Variants in SCHIP1 observed in about 807,000 individuals in gnomAD.
The protein encoded by SCHIP1 is schwannomin interacting protein 1, also known as schwannomin-interacting protein 1.
In SCHIP1, 8 loss-of-function variants were observed where a neutral mutation model predicts 29.7. The ratio of observed to expected loss-of-function variants is 0.27; its 90% CI spans 0.16 to 0.49. The LOEUF (loss-of-function observed/expected upper bound fraction) is 0.49. Ranked by LOEUF, SCHIP1 falls within the 20% of genes least tolerant of loss-of-function variation. The pLI is 0.99. For synonymous variants in SCHIP1, 76 were observed against 94.9 expected (o/e 0.80, Z 1.16); for missense variants, 193 against 294.6 (o/e 0.66, Z 2.52).
the SCHIP1 span, among the ~76,000 whole-genome samples, chr3:159,480,552 TTTC>T: frequency 6.6e-6 from 1 of 152,198 alleles, no homozygotes; most frequent in Non-Finnish European, 1.5e-5. Flanking sequence ...TTTGTGGGTT[TTTC>T]TTTTCTTATT....
the SCHIP1 span, among the ~76,000 whole-genome samples, chr3:159,418,813 A>C: frequency 1.3e-5 from 2 of 152,192 alleles, no homozygotes; most frequent in Non-Finnish European, 2.9e-5. Flanking sequence ...AGATGGCAGA[A>C]TCAGTAACCA....
At chr3:159,527,681 G>A in the SCHIP1 span, among the ~76,000 whole-genome samples, 7 of 152,290 alleles carry the variant, frequency 4.6e-5, no homozygotes, top group South Asian at 8.3e-4. Flanking sequence ...ATGGCCAATT[G>A]TTGCCCATCT....
chr3:159,609,910 T>C, the SCHIP1 span, among the ~76,000 whole-genome samples: 1 of 152,062 alleles, frequency 6.6e-6, no homozygotes, highest in Non-Finnish European at 1.5e-5. Context: ...ACATGCATTA[T>C]GGAAAGCAAG....
chr3:159,442,152 G>A, the SCHIP1 span, among the ~76,000 whole-genome samples: 6 of 152,178 alleles, frequency 3.9e-5, no homozygotes, highest in Non-Finnish European at 7.3e-5. Flanking sequence ...TTTATTTTGA[G>A]CTGTATCAGC....
the SCHIP1 span, among the ~76,000 whole-genome samples, chr3:159,717,764 G>A: frequency 0.024 from 3,717 of 152,282 alleles, 78 homozygotes; most frequent in African/African-American, 0.052. Flanking sequence ...AAAAAGTCCA[G>A]GACCAGATGG....
chr3:159,614,303 AACTGTAAATC>A, the SCHIP1 span, among the ~76,000 whole-genome samples: 3 of 152,240 alleles, frequency 2.0e-5, no homozygotes, highest in African/African-American at 7.2e-5. Context: ...ACTCCTTTGC[AACTGTAAATC>A]TAAAGGCCAT....
At chr3:159,648,094 T>A in the SCHIP1 span, among the ~76,000 whole-genome samples, 1 of 152,134 alleles carries the variant, frequency 6.6e-6, no homozygotes, top group Admixed American at 6.6e-5. Flanking sequence ...CTGCAAGAGC[T>A]TCCTGAAAGG....
At chr3:159,699,331 A>G in the SCHIP1 span, among the ~76,000 whole-genome samples, 5 of 152,196 alleles carry the variant, frequency 3.3e-5, no homozygotes, top group African/African-American at 1.2e-4. Flanking sequence ...AGAAAGTGCT[A>G]TTGGTGAATT....
the SCHIP1 span, among the ~76,000 whole-genome samples, chr3:159,628,534 A>C: frequency 6.6e-6 from 1 of 152,202 alleles, no homozygotes. Flanking sequence ...AGAAAATGCA[A>C]AACAAGATAT....
the SCHIP1 span, among the ~76,000 whole-genome samples, chr3:159,335,362 T>C: frequency 6.6e-6 from 1 of 152,120 alleles, no homozygotes; most frequent in African/African-American, 2.4e-5. Context: ...TTTTATATAC[T>C]TTAAGTTTTA....
At chr3:159,589,475 C>G in the SCHIP1 span, among the ~76,000 whole-genome samples, 1 of 152,142 alleles carries the variant, frequency 6.6e-6, no homozygotes, top group East Asian at 1.9e-4. Flanking sequence ...CCTGATTGCC[C>G]TGGCCAGAAC....
chr3:159,435,974 T>G, the SCHIP1 span, among the ~76,000 whole-genome samples: 1 of 152,094 alleles, frequency 6.6e-6, no homozygotes, highest in Non-Finnish European at 1.5e-5. Flanking sequence ...AAGAGCCAAT[T>G]AATCCTGTTT....
chr3:159,553,255 T>C, the SCHIP1 span, among the ~76,000 whole-genome samples: 2 of 124,878 alleles, frequency 1.6e-5, no homozygotes, highest in Non-Finnish European at 3.1e-5. Context: ...CTCATTCAAA[T>C]GGAAAAGGTT....
chr3:159,480,000 A>G, the SCHIP1 span, among the ~76,000 whole-genome samples: 2 of 152,160 alleles, frequency 1.3e-5, no homozygotes, highest in African/African-American at 2.4e-5. Flanking sequence ...TCACTCAGCT[A>G]GTAAGTAGCC....
the SCHIP1 span, among the ~76,000 whole-genome samples, chr3:159,504,134 A>G: frequency 6.6e-6 from 1 of 152,226 alleles, no homozygotes; most frequent in Non-Finnish European, 1.5e-5. Context: ...GAGAGGACAG[A>G]GCACCATCTG....
chr3:159,306,314 T>G, the SCHIP1 span, among the ~76,000 whole-genome samples: 1 of 152,264 alleles, frequency 6.6e-6, no homozygotes, highest in Non-Finnish European at 1.5e-5. Context: ...TAATAATGCC[T>G]ATGTTTAATA....
At chr3:159,640,897 C>G in the SCHIP1 span, among the ~76,000 whole-genome samples, 6 of 152,080 alleles carry the variant, frequency 3.9e-5, no homozygotes, top group African/African-American at 1.4e-4. Flanking sequence ...CAGTTCTTGC[C>G]TACATTAGAA....
the SCHIP1 span, among the ~76,000 whole-genome samples, chr3:159,834,634 C>CAAAATCT: frequency 6.6e-6 from 1 of 152,114 alleles, no homozygotes; most frequent in Non-Finnish European, 1.5e-5. Context: ...TCCTCAACCC[C>CAAAATCT]AAAATCTAAA....
the SCHIP1 span, among the ~76,000 whole-genome samples, chr3:159,601,321 C>T: frequency 1.3e-5 from 2 of 152,130 alleles, no homozygotes; most frequent in Non-Finnish European, 2.9e-5. Flanking sequence ...AACAACCCCC[C>T]CATACACTAT....
Sources: gnomAD v4.1 joint callset for allele counts (sites outside exome capture counted in the v4.1 genomes callset) on GRCh38, gnomAD v4.1.1 for gene constraint, MANE v1.5 for transcripts, NCBI Gene and HGNC (gene_info 2026-07-23, HGNC 2026-07-21) for gene names.